The following IARS1 variants were observed in gnomAD, a reference collection of about 807,000 sequenced individuals.
The protein encoded by IARS1 is isoleucyl-tRNA synthetase 1, also known as isoleucine--tRNA ligase, cytoplasmic.
IARS1 carries 124 observed loss-of-function variants against 168.2 expected under a neutral mutation model. That is an observed-to-expected ratio of 0.74 (90% CI 0.64 to 0.86). IARS1 has a LOEUF of 0.86. Among genes scored for constraint, IARS1 ranks in the 40% least tolerant of loss-of-function variants. The pLI, the probability that IARS1 is intolerant of heterozygous loss-of-function variation, is 0.00. For synonymous variants in IARS1, 532 were observed against 529.4 expected, an observed-to-expected ratio of 1.00 and a Z score of -0.07; for missense variants, 1,452 against 1,515.8, an observed-to-expected ratio of 0.96 and a Z score of 0.70.
At chr9:92,236,615 A>G (rs1230516253) in intron 30 of IARS1, among the ~76,000 whole-genome samples, 1 of 152,196 alleles carries the variant, frequency 6.6e-6, no homozygotes, top group Non-Finnish European at 1.5e-5. Context: ...GGGAGGCCAA[A>G]GAAGGCCAGA....
intron 6 of IARS1, 26 bp from the exon 7 acceptor site, chr9:92,280,919 GT>G: frequency 6.4e-7 from 1 of 1,563,614 alleles, no homozygotes; most frequent in Non-Finnish European, 8.8e-7. Context: ...GTAAAGTATT[GT>G]TTTAGAAATC....
At chr9:92,232,264 TG>T (rs1218696635) in intron 30 of IARS1, among the ~76,000 whole-genome samples, 2 of 152,190 alleles carry the variant, frequency 1.3e-5, no homozygotes, top group African/African-American at 4.8e-5. Flanking sequence ...GAATATTCAT[TG>T]GATATGTAGA....
chr9:92,268,036 G>A (rs1176763695), intron 14 of IARS1, 138 bp downstream of exon 14: 2 of 910,446 alleles, frequency 2.2e-6, no homozygotes, highest in East Asian at 2.9e-5. Context: ...CATGATTCTA[G>A]AAAGGAATAA....
In IARS1 at chr9:92,229,010, C is replaced by G; in HGVS notation, c.3400G>C (p.Asp1134His). The G allele has an allele frequency of 6.2e-7, 1 of 1,614,080 alleles. No homozygotes were observed. The highest frequency in any genetic ancestry group is 1.6e-4 in the Middle Eastern group (1 of 6,062). The change falls in exon 31 of 34, where the codon GAT (aspartate) becomes CAT (histidine). Residue 1134 changes from aspartate to histidine, a missense_variant. Coordinates refer to ENST00000443024, the MANE Select transcript of IARS1 (RefSeq NM_002161.6). ...CTCACTTTCCACATACCTGTTTCAT[C>G]ATGGAAGACAGCCAGCTCTGTATTT... The part of the protein sequence containing the change: ...VKNTELAVFH[D>H]ETEIQNQTDL...
chr9:92,250,644 C>T, intron 23 of IARS1, 69 bp downstream of exon 23: 1 of 1,458,222 alleles, frequency 6.9e-7, no homozygotes, highest in Non-Finnish European at 9.2e-7. Context: ...AATCCCTCCT[C>T]TTCCCCACAT....
intron 6 of IARS1, 40 bp downstream of exon 6, chr9:92,285,682 C>A (rs749268943): frequency 7.6e-7 from 1 of 1,310,108 alleles, no homozygotes; most frequent in Non-Finnish European, 1.1e-6. Context: ...CTTCCACCTA[C>A]AAAACTCAAT....
intron 7 of IARS1, among the ~76,000 whole-genome samples, chr9:92,280,393 A>G (rs907183937): frequency 1.3e-5 from 2 of 152,206 alleles, no homozygotes; most frequent in Non-Finnish European, 2.9e-5. Context: ...GGACATTTGA[A>G]AGGCAAAAAG....
intron 30 of IARS1, among the ~76,000 whole-genome samples, chr9:92,233,415 T>C (rs1827020085): frequency 6.6e-6 from 1 of 152,240 alleles, no homozygotes; most frequent in Non-Finnish European, 1.5e-5. Flanking sequence ...AAAACTATTG[T>C]AAGCAACAGT....
intron 17 of IARS1, among the ~76,000 whole-genome samples, chr9:92,261,382 C>T (rs906564035): frequency 8.6e-5 from 13 of 151,892 alleles, no homozygotes; most frequent in Admixed American, 2.0e-4. Context: ...ATTCTGGAAA[C>T]GACAAAATTA....
Position 92,289,329 on chromosome 9 carries a change from A to T in IARS1, c.91T>A (p.Cys31Ser), listed in dbSNP as rs773848955. The T allele has an allele frequency of 2.6e-6, 4 of 1,553,888 alleles. No individual in the cohort carries two copies. The South Asian group carries it at 3.4e-5, about 13-fold the overall frequency. The change falls in exon 2 of 34, where the codon TGC (cysteine) becomes AGC (serine). Residue 31 changes from cysteine (C) to serine (S), a missense_variant. Coordinates refer to ENST00000443024, the MANE Select transcript of IARS1 (RefSeq NM_002161.6). The part of the protein sequence containing the change: ...FWTEFNCFQE[C>S]LKQSKHKPKF... ...GGTTTATGTTTTGATTGCTTTAAGC[A>T]TTCCTGAAAACAATTAAATTCAGTC... is the stretch of plus-strand genomic sequence containing the variant.
Position 92,223,537 on chromosome 9 carries a change from A to T in IARS1, c.3410-48T>A, listed in dbSNP as rs1265161658. On this transcript the variant is annotated intron_variant, in intron 31 of 33. Transcript: ENST00000443024. ...TTTCAGGGTTAACGAACAAATTCAAAACTGAAGTCATTCAATTTTTCCTAT... is the reference window on the plus strand; with the variant it reads ...TTTCAGGGTTAACGAACAAATTCAATACTGAAGTCATTCAATTTTTCCTAT... 4 of 1,484,350 alleles carry T rather than the reference A, an allele frequency of 2.7e-6. No individual in the cohort carries two copies. The South Asian group carries it at 3.7e-5, about 14-fold the overall frequency. The allele number at this position is 1,484,350 out of a possible 1,614,324, so 91.9% of individuals were successfully genotyped here. A position where few individuals can be genotyped will look rare whatever the true frequency, so the allele number is the denominator to read the frequency against.
At chr9:92,213,125 A>C (rs765413892) in intron 33 of IARS1, among the ~76,000 whole-genome samples, 1 of 152,104 alleles carries the variant, frequency 6.6e-6, no homozygotes, top group Non-Finnish European at 1.5e-5. Flanking sequence ...TATGCAACTA[A>C]ATTTAAAAAA....
In IARS1 at chr9:92,224,781, T is replaced by G. The variant is rs184832169; in HGVS notation, c.3410-1292A>C. 9.9e-5 allele frequency among the ~76,000 whole-genome samples: 15 copies of G among 152,052 alleles called. 1 individual carries two copies. The highest frequency in any genetic ancestry group is 3.6e-4 in the African/African-American group (15 of 41,362). ...CCAGAAGTTTGAGGTTACACTGAACTATGATTGAGCCACTGCACTCCAGCC... is the reference window on the plus strand; with the variant it reads ...CCAGAAGTTTGAGGTTACACTGAACGATGATTGAGCCACTGCACTCCAGCC... On this transcript the variant is annotated intron_variant, in intron 31 of 33. Transcript: ENST00000443024.
At chr9:92,251,705 G>A in intron 22 of IARS1, 103 bp downstream of exon 22, 1 of 759,184 alleles carries the variant, frequency 1.3e-6, no homozygotes, top group Admixed American at 2.4e-5. Context: ...TCTATTTTTG[G>A]CAGAATAATA....
At chr9:92,240,690 G>C in intron 30 of IARS1, 166 bp downstream of exon 30, 1 of 717,974 alleles carries the variant, frequency 1.4e-6, no homozygotes, top group South Asian at 1.5e-5. Context: ...ACTGCATCTC[G>C]CCTAGTGAAT....
Position 92,268,195 on chromosome 9 carries a change from C to T in IARS1, c.1410G>A (p.Trp470Ter), listed in dbSNP as rs773450232. 5.0e-6 allele frequency: 8 copies of T among 1,606,334 alleles called. No individual in the cohort carries two copies. In the East Asian group the frequency reaches 1.4e-4, roughly 27 times the overall value. The part of the protein sequence containing the change: ...NRYWGTPIPL[W>*]VSDDFEEVVC... ...TCACCTCCTCAAAGTCATCGCTGACCCACAGTGGGATGGGGGTGCCCCAGT... is the reference window on the plus strand; with the variant it reads ...TCACCTCCTCAAAGTCATCGCTGACTCACAGTGGGATGGGGGTGCCCCAGT... The change falls in exon 14 of 34, where the codon TGG becomes TGA. Residue 470 changes from tryptophan to a stop codon, truncating the protein, a stop_gained. Transcript: ENST00000443024. LOFTEE classifies it high-confidence loss of function.
At position 92,214,044 on chromosome 9, in the gene IARS1, C is replaced by G. The variant is rs554409507; in HGVS notation, c.3707-3155G>C. Among the ~76,000 whole-genome samples the G allele has an allele frequency of 9.9e-5, 15 of 152,096 alleles. No individual in the cohort carries two copies. In the East Asian group the frequency reaches 2.7e-3, roughly 28 times the overall value. On this transcript the variant is annotated intron_variant, in intron 33 of 33. Coordinates refer to ENST00000443024, the MANE Select transcript of IARS1 (RefSeq NM_002161.6). ...TCTTGAACTCTGCCCACCTCAGCCT[C>G]CCAAAGTGCTGGGATTACACGAGTG... is the stretch of plus-strand genomic sequence containing the variant.
intron 20 of IARS1, 31 bp downstream of exon 20, chr9:92,256,649 T>C: frequency 6.3e-7 from 1 of 1,598,762 alleles, no homozygotes; most frequent in Non-Finnish European, 8.5e-7. Context: ...ATAGTCCTTA[T>C]TCCTGGGAGG....
At chr9:92,251,371 A>G (rs1352410698) in intron 22 of IARS1, among the ~76,000 whole-genome samples, 1 of 152,268 alleles carries the variant, frequency 6.6e-6, no homozygotes, top group Non-Finnish European at 1.5e-5. Flanking sequence ...TGAACTGATA[A>G]GAACATATAT....
Sources: allele counts gnomAD v4.1 joint callset (sites outside exome capture counted in the v4.1 genomes callset), GRCh38; gene constraint gnomAD v4.1.1; transcripts MANE v1.5; gene names NCBI Gene and HGNC (gene_info 2026-07-23, HGNC 2026-07-21).